The following PML variants were observed in gnomAD, a reference collection of about 807,000 sequenced individuals.
PML encodes the protein protein PML.
A neutral mutation model predicts 65.2 loss-of-function variants in PML; 28 were observed. The observed-to-expected ratio is 0.43, with a 90% CI of 0.32 to 0.59. The LOEUF is 0.59. Ranked by LOEUF, PML falls within the 20% of genes least tolerant of loss-of-function variation. The pLI is 0.08. For missense variants in PML, 1,021 were observed against 1,203.4 expected (o/e 0.85, Z 2.24); for synonymous variants, 500 against 508.8 (o/e 0.98, Z 0.23).
chr15:74,044,978 C>T lies in PML; in HGVS notation c.2619C>T (p.Gly873=). ...TCTCCACCCCACTTGCTGGCCGTGG[C>T]TTGGCAGAGAGGGCCTCCCAGCAGA... ...EGVSTPLAGR[G]LAERASQQS The change falls in exon 9 of 9, where the codon GGC becomes GGT. Residue 873 remains glycine (G), a synonymous_variant. Coordinates refer to ENST00000268058, the MANE Select transcript of PML (RefSeq NM_033238.3). 3 of 1,608,264 alleles carry T rather than the reference C, an allele frequency of 1.9e-6. No individual in the cohort carries two copies. The highest frequency in any genetic ancestry group is 3.3e-5 in the Admixed American group (2 of 59,908).
chr15:74,020,765 T>G (rs2070800754), intron 2 of PML, among the ~76,000 whole-genome samples: 1 of 152,126 alleles, frequency 6.6e-6, no homozygotes, highest in Non-Finnish European at 1.5e-5. Context: ...TTTCTTGCCT[T>G]TCCCAGCTTC....
chr15:73,998,622 C>T, intron 2 of PML, 146 bp downstream of exon 2: 4 of 705,968 alleles, frequency 5.7e-6, no homozygotes. Context: ...TATGCAGTGT[C>T]CGTGTTGATG....
intron 7 of PML, among the ~76,000 whole-genome samples, chr15:74,038,597 C>G (rs1281126992): frequency 6.6e-6 from 1 of 152,154 alleles, no homozygotes; most frequent in Non-Finnish European, 1.5e-5. Flanking sequence ...TGGGCCCTTT[C>G]CAGACCCCTG....
At chr15:74,008,424 C>T (rs913130357) in intron 2 of PML, among the ~76,000 whole-genome samples, 2 of 152,152 alleles carry the variant, frequency 1.3e-5, no homozygotes, top group African/African-American at 4.8e-5. Flanking sequence ...GAATGGGACC[C>T]TGTGGAGGGC....
intron 7 of PML, chr15:74,036,936 C>A (rs2071580855): frequency 1.0e-6 from 1 of 985,272 alleles, no homozygotes; most frequent in Admixed American, 6.1e-5. Context: ...CTCAGTCCTA[C>A]CTTCGCCTCC....
At position 74,044,436 on chromosome 15, in the gene PML, G is replaced by A; in HGVS notation, c.2077G>A (p.Asp693Asn). 6.2e-7 allele frequency: 1 copy of A among 1,614,212 alleles called. No homozygotes were observed. The highest frequency in any genetic ancestry group is 8.5e-7 in the Non-Finnish European group (1 of 1,180,036). The part of the protein sequence containing the change: ...GLPNFFRALE[D>N]INRLWEFQEA... ...CCCAAACTTCTTCCGGGCCCTGGAG[G>A]ACATTAACAGGCTGTGGGAATTCCA... Residue 693 changes from aspartate to asparagine, a missense_variant, in exon 9 of 9, where the codon GAC (aspartate) becomes AAC (asparagine). Asp to Asn is a conservative substitution (Grantham distance 23). Coordinates refer to ENST00000268058, the MANE Select transcript of PML (RefSeq NM_033238.3).
At chr15:73,995,277 G>A (rs2069424915) in intron 1 of PML, among the ~76,000 whole-genome samples, 1 of 152,242 alleles carries the variant, frequency 6.6e-6, no homozygotes, top group Non-Finnish European at 1.5e-5. Context: ...TCAGATGCAG[G>A]ACTTCAGATT....
At chr15:74,031,154 A>C in intron 4 of PML, 1 of 322,876 alleles carries the variant, frequency 3.1e-6, no homozygotes, top group Non-Finnish European at 6.3e-6. Flanking sequence ...CCCCTCCCCC[A>C]TCTCCTGGCA....
chr15:74,009,073 G>A (rs2070200754), intron 2 of PML, among the ~76,000 whole-genome samples: 1 of 152,102 alleles, frequency 6.6e-6, no homozygotes, highest in African/African-American at 2.4e-5. Flanking sequence ...AGACGGCTGT[G>A]GTCCCACACT....
chr15:74,031,593 T>G (rs75744890), intron 4 of PML, among the ~76,000 whole-genome samples: 14,209 of 152,318 alleles, frequency 0.093, 808 homozygotes, highest in East Asian at 0.19. Flanking sequence ...TTGTTTTACC[T>G]TTTGGCTATT....
intron 6 of PML, 24 bp downstream of exon 6, chr15:74,033,438 G>T (rs931025392): frequency 6.2e-7 from 1 of 1,611,404 alleles, no homozygotes; most frequent in Non-Finnish European, 8.5e-7. Flanking sequence ...TAGGGCAGTG[G>T]CCTGGGTGCT....
chr15:74,006,882 T>C (rs749615489), intron 2 of PML, among the ~76,000 whole-genome samples: 1 of 152,060 alleles, frequency 6.6e-6, no homozygotes, highest in Non-Finnish European at 1.5e-5. Context: ...CCAGGCGCCT[T>C]TAAATAACCA....
chr15:74,046,142 T>C lies in PML; in HGVS notation c.*1134T>C, dbSNP rs942880867. 4.3e-6 allele frequency: 1 copy of C among 233,128 alleles called. No individual in the cohort carries two copies. The highest frequency in any genetic ancestry group is 6.0e-5 in the East Asian group (1 of 16,558). 14.4% of individuals were successfully genotyped at this position (233,128 alleles called of 1,614,324 possible). ...TCCACGGTCAGAGCGGCCATCTGGC[T>C]GTGCCATCCTGCATTTTTAGGAATG... On this transcript the variant is annotated 3_prime_UTR_variant, in exon 9 of 9. Transcript: ENST00000268058.
chr15:74,035,393 T>A lies in PML; in HGVS notation c.1710+863T>A, dbSNP rs1018778795. On this transcript the variant is annotated intron_variant, in intron 7 of 8. Transcript: ENST00000268058. The surrounding 1 kb of genome is among the most constrained non-coding windows in gnomAD (Gnocchi z 4.1). ...CTGAGCCTCACAGCGAGCCTCCTGA[T>A]CACCAGGAGCGCCCTGCCGTCCACC... 6.2e-7 allele frequency: 1 copy of A among 1,611,838 alleles called. No homozygotes were observed. Among genetic ancestry groups the A allele is most frequent in the South Asian group, 1.1e-5 (1 of 91,080 alleles).
At chr15:74,036,648 G>C (rs2071570285) in intron 7 of PML, among the ~76,000 whole-genome samples, 1 of 152,068 alleles carries the variant, frequency 6.6e-6, no homozygotes, top group African/African-American at 2.4e-5. Context: ...ATGCTCCCCA[G>C]CTCATCCCAG....
chr15:74,040,953 C>T (rs1456321771), intron 7 of PML, among the ~76,000 whole-genome samples: 1 of 152,150 alleles, frequency 6.6e-6, no homozygotes. Flanking sequence ...AATGACCCTG[C>T]TGTAACGATG....
chr15:74,045,553 C>T lies in PML; in HGVS notation c.*545C>T. On this transcript the variant is annotated 3_prime_UTR_variant, in exon 9 of 9. Coordinates refer to ENST00000268058, the MANE Select transcript of PML (RefSeq NM_033238.3). ...GCCCAGAGGCCAACTCTGTTCCCTT[C>T]TCCTTTCATCCCAGAGGGGCCTCAT... 4.3e-6 allele frequency: 1 copy of T among 234,504 alleles called. No individual in the cohort carries two copies. The highest frequency in any genetic ancestry group is 8.4e-6 in the Non-Finnish European group (1 of 118,972). 14.5% of individuals were successfully genotyped at this position (234,504 alleles called of 1,614,324 possible).
intron 2 of PML, among the ~76,000 whole-genome samples, chr15:74,021,088 T>C (rs771420660): frequency 2.0e-5 from 3 of 152,230 alleles, no homozygotes; most frequent in Non-Finnish European, 2.9e-5. Flanking sequence ...TACTACAGTT[T>C]GCATCTAGAC....
In PML at chr15:74,023,203, C is replaced by A; in HGVS notation, c.978C>A (p.Ile326=). Residue 326 remains isoleucine, a synonymous_variant, in exon 3 of 9, where the codon ATC becomes ATA. Transcript: ENST00000268058. ...LGRLDAVLQR[I]RTGSALVQRM... Reference sequence around the variant, plus strand: ...GCCTGGATGCTGTGCTGCAGCGCATCCGCACGGGCAGCGCGCTGGTGCAGA... The same window carrying A: ...GCCTGGATGCTGTGCTGCAGCGCATACGCACGGGCAGCGCGCTGGTGCAGA... 6.2e-7 allele frequency: 1 copy of A among 1,608,766 alleles called. No homozygotes were observed. Among genetic ancestry groups the A allele is most frequent in the Non-Finnish European group, 8.5e-7 (1 of 1,178,090 alleles).
Sources: gnomAD v4.1 joint callset for allele counts (sites outside exome capture counted in the v4.1 genomes callset) on GRCh38, gnomAD v4.1.1 for gene constraint, Gnocchi (gnomAD v3.1) non-coding constraint, MANE v1.5 for transcripts, NCBI Gene and HGNC (gene_info 2026-07-23, HGNC 2026-07-21) for gene names.